PPM1H: variants seen among roughly 807,000 people sequenced by gnomAD.
PPM1H encodes protein phosphatase 1H.
A neutral mutation model predicts 54.9 loss-of-function variants in PPM1H; 27 were observed. That is an observed-to-expected ratio of 0.49 (90% CI 0.36 to 0.68). The LOEUF is 0.68. Ranked by LOEUF, PPM1H falls within the 30% of genes least tolerant of loss-of-function variation. The pLI is 0.00. For missense variants in PPM1H, 596 were observed against 667.8 expected (o/e 0.89, Z 1.19); for synonymous variants, 305 against 270.8 (o/e 1.13, Z -1.24).
At chr12:62,766,945 A>G (rs554361588) in intron 4 of PPM1H, among the ~76,000 whole-genome samples, 1 of 152,350 alleles carries the variant, frequency 6.6e-6, no homozygotes, top group East Asian at 1.9e-4. Context: ...ACCCTGCCCA[A>G]TAAATACCTG....
At chr12:62,652,064 C>T (rs1361353977) in intron 9 of PPM1H, among the ~76,000 whole-genome samples, 3 of 152,170 alleles carry the variant, frequency 2.0e-5, no homozygotes, top group Non-Finnish European at 4.4e-5. Flanking sequence ...TTTCTTTTTA[C>T]TTCCAAAGTG....
intron 4 of PPM1H, among the ~76,000 whole-genome samples, chr12:62,771,874 A>G (rs975971666): frequency 1.3e-5 from 2 of 152,170 alleles, no homozygotes; most frequent in African/African-American, 4.8e-5. Context: ...TTTTGTCTTC[A>G]TTATTAACTA....
chr12:62,718,801 G>A (rs943329900), intron 6 of PPM1H, among the ~76,000 whole-genome samples: 1 of 152,280 alleles, frequency 6.6e-6, no homozygotes, highest in East Asian at 1.9e-4. Flanking sequence ...AGAAAACCCA[G>A]TCAGGGTTGG....
At chr12:62,895,220 A>G (rs1870940883) in intron 1 of PPM1H, among the ~76,000 whole-genome samples, 1 of 152,182 alleles carries the variant, frequency 6.6e-6, no homozygotes, top group Non-Finnish European at 1.5e-5. Context: ...TATAAAAGAG[A>G]TACTGAATAT....
chr12:62,776,698 C>T (rs1246698035), intron 4 of PPM1H, among the ~76,000 whole-genome samples: 2 of 152,160 alleles, frequency 1.3e-5, no homozygotes, highest in African/African-American at 4.8e-5. Context: ...TGTGATCATC[C>T]CATTTCAACA....
At chr12:62,883,333 CT>C (rs1870462641) in intron 1 of PPM1H, among the ~76,000 whole-genome samples, 1 of 152,106 alleles carries the variant, frequency 6.6e-6, no homozygotes, top group Admixed American at 6.5e-5. Context: ...TGAACCAGTA[CT>C]GCCCCCACCC....
intron 8 of PPM1H, among the ~76,000 whole-genome samples, chr12:62,682,538 G>T (rs550336100): frequency 5.9e-5 from 9 of 152,308 alleles, no homozygotes; most frequent in Admixed American, 5.9e-4. Flanking sequence ...GTCTCACTCT[G>T]TCACCAAGGC....
chr12:62,912,467 T>C (rs1340193428), intron 1 of PPM1H, among the ~76,000 whole-genome samples: 1 of 152,068 alleles, frequency 6.6e-6, no homozygotes. Flanking sequence ...GCAGAAGGAA[T>C]AGGAGGGGAA....
Position 62,824,820 on chromosome 12 carries a change from C to T in PPM1H, c.411+7294G>A, listed in dbSNP as rs1044217708. 2.0e-5 allele frequency among the ~76,000 whole-genome samples: 3 copies of T among 152,116 alleles called. No homozygotes were observed. The East Asian group carries it at 5.8e-4, about 29-fold the overall frequency. On this transcript the variant is annotated intron_variant, in intron 2 of 9. Coordinates refer to ENST00000228705, the MANE Select transcript of PPM1H (RefSeq NM_020700.2). ...AGCCTAGAAGAAAACCTAGGCAATA[C>T]CATTCAGGACATAGGCATGGGCAAG...
chr12:62,836,603 A>C (rs1868509927), intron 1 of PPM1H, among the ~76,000 whole-genome samples: 1 of 152,188 alleles, frequency 6.6e-6, no homozygotes, highest in Admixed American at 6.5e-5. Flanking sequence ...TACTTCATGG[A>C]TTAAATTCTA....
chr12:62,727,622 G>T (rs1198679302), intron 5 of PPM1H, among the ~76,000 whole-genome samples: 2 of 134,038 alleles, frequency 1.5e-5, no homozygotes, highest in African/African-American at 2.6e-5. Flanking sequence ...ATTAGCAGTT[G>T]ATATTAAAAT....
In PPM1H at chr12:62,644,245, C is replaced by G. The variant is rs2075773590; in HGVS notation, c.*4244G>C. On this transcript the variant is annotated 3_prime_UTR_variant, in exon 10 of 10. Transcript: ENST00000228705. Reference sequence around the variant, plus strand: ...ACTGTACTAGGGTAGTTTTGGAAACCCAGACCATGATCCATTCCTTACAAA... The same window carrying G: ...ACTGTACTAGGGTAGTTTTGGAAACGCAGACCATGATCCATTCCTTACAAA... The G allele has an allele frequency of 6.6e-6, 1 of 152,066 alleles. No homozygotes were observed. The highest frequency in any genetic ancestry group is 2.1e-4 in the South Asian group (1 of 4,832). The allele number at this position is 152,066 out of a possible 1,614,324, so 9.4% of individuals were successfully genotyped here.
intron 1 of PPM1H, among the ~76,000 whole-genome samples, chr12:62,923,883 AGGTTAAATACAT>A (rs1456008450): frequency 6.6e-6 from 1 of 152,264 alleles, no homozygotes; most frequent in East Asian, 1.9e-4. Context: ...CCTCTAGGGC[AGGTTAAATACAT>A]GGTTTTATGA....
intron 3 of PPM1H, among the ~76,000 whole-genome samples, chr12:62,800,738 C>T (rs530955354): frequency 5.3e-5 from 8 of 152,238 alleles, no homozygotes; most frequent in East Asian, 1.9e-4. Flanking sequence ...TGCAGGCTGC[C>T]GAGCAAGAAA....
At chr12:62,735,823 A>G (rs1232617544) in intron 5 of PPM1H, among the ~76,000 whole-genome samples, 1 of 152,238 alleles carries the variant, frequency 6.6e-6, no homozygotes, top group African/African-American at 2.4e-5. Flanking sequence ...CTAACAGAAA[A>G]GAAAGAAAAG....
chr12:62,766,078 G>C (rs1203159372), intron 4 of PPM1H, among the ~76,000 whole-genome samples: 1 of 152,210 alleles, frequency 6.6e-6, no homozygotes, highest in Admixed American at 6.5e-5. Context: ...AGGGGCCCAG[G>C]TGAGGCTCCT....
intron 1 of PPM1H, among the ~76,000 whole-genome samples, chr12:62,860,195 G>GA (rs2120967169): frequency 6.6e-6 from 1 of 152,242 alleles, no homozygotes; most frequent in East Asian, 1.9e-4. Flanking sequence ...GCAAAGGGGG[G>GA]AAAGTCCCTT....
chr12:62,903,341 G>A (rs1176617103), intron 1 of PPM1H, among the ~76,000 whole-genome samples: 2 of 152,112 alleles, frequency 1.3e-5, no homozygotes, highest in African/African-American at 4.8e-5. Context: ...ACAGAGCTTG[G>A]CTAAAGACAA....
chr12:62,698,678 A>T (rs2076127069), intron 6 of PPM1H, among the ~76,000 whole-genome samples: 1 of 152,162 alleles, frequency 6.6e-6, no homozygotes, highest in Admixed American at 6.5e-5. Flanking sequence ...TGCATTTTTT[A>T]AAAATTAACA....
Sources: allele counts gnomAD v4.1 joint callset (sites outside exome capture counted in the v4.1 genomes callset), GRCh38; gene constraint gnomAD v4.1.1; transcripts MANE v1.5; gene names NCBI Gene and HGNC (gene_info 2026-07-23, HGNC 2026-07-21).